PTPRD: variants seen among roughly 807,000 people sequenced by gnomAD.
The protein encoded by PTPRD is receptor-type tyrosine-protein phosphatase delta.
A neutral mutation model predicts 214.5 loss-of-function variants in PTPRD; 34 were observed. That is an observed-to-expected ratio of 0.16 (90% CI 0.12 to 0.21). The LOEUF is 0.21. Ranked by LOEUF, PTPRD falls within the 10% of genes least tolerant of loss-of-function variation. PTPRD has a pLI of 1.00. For missense variants in PTPRD, 2,545 were observed against 2,398.7 expected, an observed-to-expected ratio of 1.06 and a Z score of -1.27; for synonymous variants, 1,128 against 845.7, an observed-to-expected ratio of 1.33 and a Z score of -5.79.
chr9:8,928,728 A>T (rs1206082833), intron 11 of PTPRD, among the ~76,000 whole-genome samples: 2 of 152,224 alleles, frequency 1.3e-5, no homozygotes, highest in African/African-American at 4.8e-5. Context: ...TTCTGTGAAG[A>T]AGGTCAATGG....
chr9:9,130,856 G>A (rs2154474212), intron 10 of PTPRD, among the ~76,000 whole-genome samples: 1 of 152,216 alleles, frequency 6.6e-6, no homozygotes, highest in East Asian at 1.9e-4. Flanking sequence ...TCGTATATCA[G>A]GAACAGATTC....
intron 5 of PTPRD, among the ~76,000 whole-genome samples, chr9:9,882,945 C>G (rs1303213444): frequency 2.6e-5 from 4 of 152,118 alleles, no homozygotes; most frequent in African/African-American, 9.7e-5. Flanking sequence ...CCTCCCTTCT[C>G]TCTTTCTCCC....
chr9:10,087,874 T>C (rs2098373814), intron 3 of PTPRD, among the ~76,000 whole-genome samples: 1 of 151,752 alleles, frequency 6.6e-6, no homozygotes, highest in South Asian at 2.1e-4. Flanking sequence ...AAAGTTTATA[T>C]GATTCAATGT....
intron 5 of PTPRD, among the ~76,000 whole-genome samples, chr9:9,812,830 C>T (rs1003129203): frequency 2.0e-5 from 3 of 152,228 alleles, no homozygotes; most frequent in Middle Eastern, 3.4e-3. Flanking sequence ...GCAGAAGACA[C>T]ATTCTTCTCA....
At position 8,603,718 on chromosome 9, in the gene PTPRD, C is replaced by T. The variant is rs1326592615; in HGVS notation, c.352+29599G>A. ...ATGAAAAGTACATGTCCTAACTCTC[C>T]TATCCATTGATATAATCAATCTATC... On this transcript the variant is annotated intron_variant, in intron 14 of 45. Coordinates refer to ENST00000381196, the MANE Select transcript of PTPRD (RefSeq NM_002839.4). Among the ~76,000 whole-genome samples, 7 of 152,120 alleles carry T rather than the reference C, an allele frequency of 4.6e-5. No individual in the cohort carries two copies. The East Asian group carries it at 1.3e-3, about 29-fold the overall frequency.
chr9:8,366,309 T>G (rs981605345), intron 39 of PTPRD, among the ~76,000 whole-genome samples: 2 of 151,990 alleles, frequency 1.3e-5, no homozygotes, highest in African/African-American at 4.8e-5. Context: ...TGACAAACCA[T>G]ACACTCAGCA....
chr9:8,968,223 A>G (rs2099211997), intron 11 of PTPRD, among the ~76,000 whole-genome samples: 1 of 152,162 alleles, frequency 6.6e-6, no homozygotes, highest in Non-Finnish European at 1.5e-5. Context: ...ATACGTGTGC[A>G]TGTGTCTTTA....
intron 2 of PTPRD, among the ~76,000 whole-genome samples, chr9:10,606,511 T>C (rs1476628870): frequency 6.6e-6 from 1 of 150,564 alleles, no homozygotes. Flanking sequence ...CAGGAAACAC[T>C]CCATTACTTC....
At chr9:10,474,967 T>A (rs1406996235) in intron 2 of PTPRD, among the ~76,000 whole-genome samples, 2 of 152,158 alleles carry the variant, frequency 1.3e-5, no homozygotes, top group African/African-American at 4.8e-5. Flanking sequence ...CCAGTGTCTC[T>A]GGGACACAGT....
At chr9:10,267,063 T>C (rs1217064126) in intron 3 of PTPRD, among the ~76,000 whole-genome samples, 1 of 151,130 alleles carries the variant, frequency 6.6e-6, no homozygotes, top group Non-Finnish European at 1.5e-5. Context: ...GTGGTAGCGG[T>C]CCCCTGTAAT....
chr9:8,402,698 A>AAC (rs1239386157), intron 36 of PTPRD, among the ~76,000 whole-genome samples: 3 of 151,612 alleles, frequency 2.0e-5, no homozygotes, highest in African/African-American at 7.3e-5. Context: ...CCACAAAAAA[A>AAC]CCTGTATTTT....
At chr9:8,831,450 T>C (rs1327722423) in intron 11 of PTPRD, among the ~76,000 whole-genome samples, 1 of 152,084 alleles carries the variant, frequency 6.6e-6, no homozygotes, top group Admixed American at 6.6e-5. Context: ...TACAATTAAA[T>C]ACATTATATA....
intron 14 of PTPRD, among the ~76,000 whole-genome samples, chr9:8,619,061 T>C (rs895641955): frequency 1.9e-4 from 29 of 151,374 alleles, no homozygotes; most frequent in African/African-American, 6.8e-4. Context: ...CACCCAGCCA[T>C]ACATTTATTT....
chr9:9,716,789 AT>A (rs1564731326), intron 7 of PTPRD, among the ~76,000 whole-genome samples: 3 of 151,644 alleles, frequency 2.0e-5, no homozygotes, highest in African/African-American at 7.3e-5. Flanking sequence ...ATTTTCTCCC[AT>A]TTTGTAGGTT....
At chr9:8,739,195 C>A (rs560539075) in intron 11 of PTPRD, among the ~76,000 whole-genome samples, 1 of 152,252 alleles carries the variant, frequency 6.6e-6, no homozygotes, top group African/African-American at 2.4e-5. Context: ...TCAGGGGGCA[C>A]CCCAGGAATT....
intron 8 of PTPRD, among the ~76,000 whole-genome samples, chr9:9,513,383 A>G (rs570316646): frequency 3.9e-4 from 59 of 152,090 alleles, no homozygotes; most frequent in Non-Finnish European, 7.1e-4. Context: ...TGACTTGACT[A>G]TACTCAAACT....
In PTPRD at chr9:8,316,384, C is replaced by T. The variant is rs1821784794; in HGVS notation, c.*1490G>A. The T allele has an allele frequency of 8.6e-6, 2 of 231,398 alleles. No homozygotes were observed. The highest frequency in any genetic ancestry group is 1.1e-4 in the Admixed American group (2 of 17,688). The allele number at this position is 231,398 out of a possible 1,614,324, so 14.3% of individuals were successfully genotyped here. On this transcript the variant is annotated 3_prime_UTR_variant, in exon 46 of 46. Coordinates refer to ENST00000381196, the MANE Select transcript of PTPRD (RefSeq NM_002839.4). ...ACTAAAACCAAAACGAAACAAAGTA[C>T]AGCACTTCCCAGGAATGCTGTATGC... is the stretch of plus-strand genomic sequence containing the variant.
intron 6 of PTPRD, among the ~76,000 whole-genome samples, chr9:9,742,100 C>G (rs1190393250): frequency 6.6e-6 from 1 of 152,174 alleles, no homozygotes; most frequent in African/African-American, 2.4e-5. Flanking sequence ...GCCATTCTAA[C>G]TAGTGTGAAA....
chr9:9,202,356 A>G (rs1212812505), intron 9 of PTPRD, among the ~76,000 whole-genome samples: 5 of 152,200 alleles, frequency 3.3e-5, no homozygotes, highest in Non-Finnish European at 5.9e-5. Context: ...TGATATGTTT[A>G]TGACATTTTA....
Sources: gnomAD v4.1 joint callset for allele counts (sites outside exome capture counted in the v4.1 genomes callset) on GRCh38, gnomAD v4.1.1 for gene constraint, MANE v1.5 for transcripts, NCBI Gene and HGNC (gene_info 2026-07-23, HGNC 2026-07-21) for gene names.